C2orf49: variants seen among roughly 807,000 people sequenced by gnomAD.
C2orf49 encodes tRNA splicing ligase complex subunit 2.
Under a neutral mutation model 20.6 loss-of-function variants are expected in C2orf49, and 11 were observed. That is an observed-to-expected ratio of 0.53 (90% CI 0.34 to 0.88). C2orf49 has a LOEUF of 0.88. C2orf49 is among the 40% of genes least tolerant of loss of function. The probability of loss-of-function intolerance (pLI) is 0.02; values close to 1 mark genes in which losing one functional copy is unlikely to be tolerated. For missense variants in C2orf49, 289 were observed against 274.2 expected (o/e 1.05, Z -0.38); for synonymous variants, 134 against 108.5 (o/e 1.24, Z -1.46).
downstream of C2orf49, among the ~76,000 whole-genome samples, chr2:105,352,818 CAATT>C (rs202084768): frequency 8.0e-3 from 1,219 of 152,202 alleles, 17 homozygotes; most frequent in African/African-American, 0.028. Context: ...GAACATTTAA[CAATT>C]AAAGTCGCAG....
chr2:105,372,533 A>G, the C2orf49 span, among the ~76,000 whole-genome samples: 6 of 152,132 alleles, frequency 3.9e-5, no homozygotes, highest in South Asian at 1.2e-3. Context: ...CATCCTACAT[A>G]TATTTCTAAA....
intron 1 of C2orf49, 127 bp from the exon 2 acceptor site, chr2:105,339,456 G>C: frequency 1.2e-6 from 1 of 815,876 alleles, no homozygotes; most frequent in Admixed American, 3.2e-5. Context: ...AAGTGCGCGT[G>C]TTATTGTGAA....
At chr2:105,368,225 G>GA in the C2orf49 span, among the ~76,000 whole-genome samples, 2 of 152,202 alleles carry the variant, frequency 1.3e-5, no homozygotes, top group Non-Finnish European at 2.9e-5. Flanking sequence ...CTGATTCAGT[G>GA]AGCAGCCTCT....
rs1220199132 is a variant in C2orf49, at chr2:105,342,842, T to C, written c.267-6T>C. The stretch of plus-strand genomic sequence containing the variant: ...ATTTTTCAAGAGTGCATCTCTTTGA[T>C]TTCAGGAGTAGCACTGTAGATGGGT... On this transcript the variant is annotated splice_region_variant and splice_polypyrimidine_tract_variant and intron_variant, in intron 2 of 3. Transcript: ENST00000258457. 5.6e-6 allele frequency: 9 copies of C among 1,598,052 alleles called. No individual in the cohort carries two copies. Among genetic ancestry groups the C allele is most frequent in the Non-Finnish European group, 6.8e-6 (8 of 1,169,220 alleles).
At chr2:105,362,630 T>G in the C2orf49 span, among the ~76,000 whole-genome samples, 1 of 152,156 alleles carries the variant, frequency 6.6e-6, no homozygotes, top group Non-Finnish European at 1.5e-5. Flanking sequence ...CACTTTTCTC[T>G]CCCCACCCAG....
chr2:105,379,250 G>A, the C2orf49 span, among the ~76,000 whole-genome samples: 1 of 152,170 alleles, frequency 6.6e-6, no homozygotes, highest in South Asian at 2.1e-4. Flanking sequence ...TATAACAGTT[G>A]CTGGTATGTA....
At chr2:105,354,034 G>A (rs1427884968), downstream of C2orf49, among the ~76,000 whole-genome samples, 1 of 152,240 alleles carries the variant, frequency 6.6e-6, no homozygotes, top group African/African-American at 2.4e-5. Context: ...AGTCAACAAT[G>A]TTCAATACAT....
At chr2:105,359,050 T>G in the C2orf49 span, 2 of 152,236 alleles carry the variant, frequency 1.3e-5, no homozygotes, top group African/African-American at 4.8e-5. Flanking sequence ...CGTTCTCTTC[T>G]TCCAAGTGTC....
chr2:105,338,278 G>A (rs772125588), intron 1 of C2orf49, among the ~76,000 whole-genome samples: 15 of 152,194 alleles, frequency 9.9e-5, no homozygotes, highest in Non-Finnish European at 1.6e-4. Context: ...TTAAGTGATA[G>A]AGAATTACTG....
At chr2:105,349,749 T>C (rs1267927739), downstream of C2orf49, among the ~76,000 whole-genome samples, 5 of 152,190 alleles carry the variant, frequency 3.3e-5, no homozygotes, top group Non-Finnish European at 5.9e-5. Flanking sequence ...GAAAGTAGGA[T>C]GAGAAGCTAT....
chr2:105,349,331 A>G (rs1450864393), downstream of C2orf49: 1 of 152,260 alleles, frequency 6.6e-6, no homozygotes, highest in Non-Finnish European at 1.5e-5. Flanking sequence ...TCCTTGGCTC[A>G]AGTGGTCCTC....
downstream of C2orf49, among the ~76,000 whole-genome samples, chr2:105,349,741 AAGT>A (rs1289176827): frequency 6.6e-6 from 1 of 152,236 alleles, no homozygotes; most frequent in Non-Finnish European, 1.5e-5. Flanking sequence ...AGGATGAAGA[AAGT>A]AGGATGAGAA....
chr2:105,373,350 G>A, the C2orf49 span, among the ~76,000 whole-genome samples: 1 of 152,176 alleles, frequency 6.6e-6, no homozygotes, highest in Non-Finnish European at 1.5e-5. Flanking sequence ...TGCCCCACGT[G>A]CACAGCAAAA....
chr2:105,361,047 T>C, the C2orf49 span: 1 of 399,324 alleles, frequency 2.5e-6, no homozygotes, highest in Non-Finnish European at 4.5e-6. Context: ...CCTTACTCGA[T>C]TACAAAAATT....
the C2orf49 span, chr2:105,378,271 C>T: frequency 4.5e-6 from 2 of 447,708 alleles, no homozygotes; most frequent in Admixed American, 4.9e-5. Flanking sequence ...AACTGTCCCT[C>T]TAAATGTGGA....
At chr2:105,369,057 AG>A in the C2orf49 span, among the ~76,000 whole-genome samples, 1 of 152,300 alleles carries the variant, frequency 6.6e-6, no homozygotes, top group South Asian at 2.1e-4. Flanking sequence ...GTAATAGTTG[AG>A]TAGTTGTGAC....
chr2:105,357,007 G>A, the C2orf49 span, among the ~76,000 whole-genome samples: 1 of 152,038 alleles, frequency 6.6e-6, no homozygotes, highest in Non-Finnish European at 1.5e-5. Context: ...CTGTTCACAG[G>A]TGCTGTTTTC....
chr2:105,338,394 T>G (rs779021009), intron 1 of C2orf49, among the ~76,000 whole-genome samples: 5 of 152,202 alleles, frequency 3.3e-5, no homozygotes, highest in Non-Finnish European at 7.3e-5. Flanking sequence ...ACGTAGAGCT[T>G]AATTATGTCA....
rs1188752514 is a variant in C2orf49, at chr2:105,339,615, A to G, written c.132A>G (p.Val44=). The change falls in exon 2 of 4, where the codon GTA becomes GTG. Residue 44 remains valine, a synonymous_variant. Transcript: ENST00000258457. ...TAGCTGTTGAAACTGATGTAAGAGTAAACAAAGACAGTCTTACTGACCTTT... is the reference window on the plus strand; with the variant it reads ...TAGCTGTTGAAACTGATGTAAGAGTGAACAAAGACAGTCTTACTGACCTTT... The part of the protein sequence containing the change: ...KNIAVETDVR[V]NKDSLTDLYV... 1.9e-6 allele frequency: 3 copies of G among 1,599,412 alleles called. No homozygotes were observed. The highest frequency in any genetic ancestry group is 2.5e-6 in the Non-Finnish European group (3 of 1,176,874).
Sources: gnomAD v4.1 joint callset for allele counts (sites outside exome capture counted in the v4.1 genomes callset) on GRCh38, gnomAD v4.1.1 for gene constraint, MANE v1.5 for transcripts, NCBI Gene and HGNC (gene_info 2026-07-23, HGNC 2026-07-21) for gene names.